Variants in CAMK1D observed in about 807,000 individuals in gnomAD.
The protein encoded by CAMK1D is calcium/calmodulin dependent protein kinase ID.
A neutral mutation model predicts 47.7 loss-of-function variants in CAMK1D; 9 were observed. The observed-to-expected ratio is 0.19, with a 90% CI of 0.11 to 0.33. The LOEUF is 0.33. Among genes scored for constraint, CAMK1D ranks in the 10% least tolerant of loss-of-function variants. CAMK1D has a pLI of 1.00. For missense variants in CAMK1D, 291 were observed against 488.7 expected, an observed-to-expected ratio of 0.60 and a Z score of 3.81; for synonymous variants, 184 against 184.9, an observed-to-expected ratio of 0.99 and a Z score of 0.04.
intron 2 of CAMK1D, among the ~76,000 whole-genome samples, chr10:12,613,072 C>T (rs553913431): frequency 6.6e-6 from 1 of 152,134 alleles, no homozygotes; most frequent in Non-Finnish European, 1.5e-5. Context: ...AAAGATTGAA[C>T]CTTCACTTTT....
At chr10:12,792,862 CT>C (rs1838037501) in intron 6 of CAMK1D, among the ~76,000 whole-genome samples, 1 of 152,190 alleles carries the variant, frequency 6.6e-6, no homozygotes, top group African/African-American at 2.4e-5. Context: ...CATTGATCAC[CT>C]TTTGCAGTTT....
At chr10:12,594,556 A>T (rs906120467) in intron 2 of CAMK1D, among the ~76,000 whole-genome samples, 1 of 152,236 alleles carries the variant, frequency 6.6e-6, no homozygotes, top group African/African-American at 2.4e-5. Context: ...AAGTGGGCCA[A>T]TGACAATGGG....
intron 6 of CAMK1D, among the ~76,000 whole-genome samples, chr10:12,797,213 T>G (rs1399603797): frequency 6.8e-6 from 1 of 147,008 alleles, no homozygotes; most frequent in Admixed American, 6.8e-5. Flanking sequence ...TTTTTTTTTG[T>G]TTAGAGACAG....
chr10:12,349,836 C>G lies in CAMK1D; in HGVS notation c.18C>G (p.Gly6=). The G allele has an allele frequency of 1.3e-6, 2 of 1,515,690 alleles. No homozygotes were observed. Among genetic ancestry groups the G allele is most frequent in the Non-Finnish European group, 1.8e-6 (2 of 1,127,052 alleles). 93.9% of individuals were successfully genotyped at this position (1,515,690 alleles called of 1,614,324 possible). A position where few individuals can be genotyped will look rare whatever the true frequency, so the allele number is the denominator to read the frequency against. The change falls in exon 1 of 11, where the codon GGC becomes GGG. Residue 6 remains glycine, a synonymous_variant. Transcript: ENST00000619168. The stretch of plus-strand genomic sequence containing the variant: ...CGTCGGCCATGGCCCGGGAGAACGG[C>G]GAGAGCAGCTCCTCCTGGAAAAAGC... The part of the protein sequence containing the change: MAREN[G]ESSSSWKKQA...
At chr10:12,623,067 T>TCCTC (rs1158930113) in intron 2 of CAMK1D, among the ~76,000 whole-genome samples, 1 of 63,894 alleles carries the variant, frequency 1.6e-5, no homozygotes, top group Non-Finnish European at 2.9e-5. Flanking sequence ...CTCCCTCCCT[T>TCCTC]CCTCCCTTCC....
At chr10:12,610,895 G>A (rs1049171134) in intron 2 of CAMK1D, among the ~76,000 whole-genome samples, 7 of 152,174 alleles carry the variant, frequency 4.6e-5, no homozygotes, top group Non-Finnish European at 1.5e-5. Flanking sequence ...TCAGTGTTCT[G>A]TGAGTTTAGT....
At chr10:12,507,619 G>A (rs1208491293) in intron 1 of CAMK1D, among the ~76,000 whole-genome samples, 3 of 152,122 alleles carry the variant, frequency 2.0e-5, no homozygotes, top group African/African-American at 4.8e-5. Context: ...CCGCCCGGAA[G>A]AAAGGATGCT....
intron 3 of CAMK1D, among the ~76,000 whole-genome samples, chr10:12,687,808 C>A (rs1196176716): frequency 6.6e-6 from 1 of 152,152 alleles, no homozygotes; most frequent in Non-Finnish European, 1.5e-5. Flanking sequence ...ATTTTCCTCC[C>A]CATTGATGAG....
intron 2 of CAMK1D, among the ~76,000 whole-genome samples, chr10:12,628,698 C>T (rs936353640): frequency 1.3e-5 from 2 of 152,072 alleles, no homozygotes; most frequent in African/African-American, 2.4e-5. Flanking sequence ...TGGGTTTTGA[C>T]AAATATATGA....
intron 2 of CAMK1D, among the ~76,000 whole-genome samples, chr10:12,656,870 C>T (rs78909099): frequency 0.018 from 2,706 of 152,194 alleles, 48 homozygotes; most frequent in South Asian, 0.11. Flanking sequence ...TACATAAACA[C>T]ATATATATAC....
intron 1 of CAMK1D, among the ~76,000 whole-genome samples, chr10:12,506,711 G>A (rs2815657): frequency 0.12 from 18,318 of 151,896 alleles, 1,432 homozygotes; most frequent in East Asian, 0.36. Context: ...GTAGAGACGG[G>A]GTTTCACCGT....
At chr10:12,713,262 G>A (rs1216120398) in intron 3 of CAMK1D, among the ~76,000 whole-genome samples, 1 of 152,178 alleles carries the variant, frequency 6.6e-6, no homozygotes, top group African/African-American at 2.4e-5. Flanking sequence ...AGTAGTAACA[G>A]GGTTTCACCA....
At chr10:12,686,764 C>G (rs1832681106) in intron 3 of CAMK1D, among the ~76,000 whole-genome samples, 1 of 152,104 alleles carries the variant, frequency 6.6e-6, no homozygotes, top group Non-Finnish European at 1.5e-5. Flanking sequence ...GAGTGGGAAG[C>G]AAACATTTTT....
chr10:12,753,030 G>C (rs562690527), intron 3 of CAMK1D, among the ~76,000 whole-genome samples: 7 of 152,340 alleles, frequency 4.6e-5, no homozygotes, highest in African/African-American at 1.7e-4. Flanking sequence ...TGGATCACAA[G>C]GTCAGGAGAT....
rs1836493161 is a variant in CAMK1D, at chr10:12,548,986, G to A, written c.93-4239G>A. ...TTCTCCCACCTCAGCCTGCTGAGTAGCTGGGACTACAGACATGTGCCACCA... is the reference window on the plus strand; with the variant it reads ...TTCTCCCACCTCAGCCTGCTGAGTAACTGGGACTACAGACATGTGCCACCA... On this transcript the variant is annotated intron_variant, in intron 1 of 10. Transcript: ENST00000619168. Among the ~76,000 whole-genome samples the A allele has an allele frequency of 2.6e-5, 4 of 152,180 alleles. No homozygotes were observed. The South Asian group carries it at 8.3e-4, about 32-fold the overall frequency.
chr10:12,508,389 A>G (rs950195151), intron 1 of CAMK1D, among the ~76,000 whole-genome samples: 10 of 152,258 alleles, frequency 6.6e-5, no homozygotes, highest in Non-Finnish European at 1.5e-4. Flanking sequence ...TAAGCGAAAC[A>G]GGCCAGACAC....
At chr10:12,752,697 C>T (rs1179582894) in intron 3 of CAMK1D, among the ~76,000 whole-genome samples, 1 of 152,218 alleles carries the variant, frequency 6.6e-6, no homozygotes, top group African/African-American at 2.4e-5. Context: ...ATCAATTTGT[C>T]TTCACGTTCT....
chr10:12,751,132 T>G (rs554510888), intron 3 of CAMK1D, among the ~76,000 whole-genome samples: 10 of 150,708 alleles, frequency 6.6e-5, no homozygotes, highest in Non-Finnish European at 1.5e-4. Context: ...ATAAGAAGGC[T>G]TCAGAAGGCT....
At chr10:12,803,647 T>C (rs911091875) in intron 6 of CAMK1D, among the ~76,000 whole-genome samples, 3 of 151,996 alleles carry the variant, frequency 2.0e-5, no homozygotes, top group Non-Finnish European at 4.4e-5. Flanking sequence ...AGAGGGAGAC[T>C]CCATCTCAAA....
Sources: gnomAD v4.1 joint callset for allele counts (sites outside exome capture counted in the v4.1 genomes callset) on GRCh38, gnomAD v4.1.1 for gene constraint, MANE v1.5 for transcripts, NCBI Gene and HGNC (gene_info 2026-07-23, HGNC 2026-07-21) for gene names.